Variants in MED23 observed in about 807,000 individuals in gnomAD.
MED23 encodes the protein mediator complex subunit 23.
Under a neutral mutation model 163.9 loss-of-function variants are expected in MED23, and 105 were observed. The ratio of observed to expected loss-of-function variants is 0.64; its 90% CI spans 0.55 to 0.75. The LOEUF (loss-of-function observed/expected upper bound fraction) is 0.75. Among genes scored for constraint, MED23 ranks in the 30% least tolerant of loss-of-function variants. The probability of loss-of-function intolerance (pLI) is 0.00; values close to 1 mark genes in which losing one functional copy is unlikely to be tolerated. For synonymous variants in MED23, 561 were observed against 565.6 expected (o/e 0.99, Z 0.12); for missense variants, 1,054 against 1,649.0 (o/e 0.64, Z 6.25).
intron 21 of MED23, 35 bp downstream of exon 21, chr6:131,596,483 A>C: frequency 1.9e-6 from 3 of 1,610,602 alleles, no homozygotes; most frequent in Admixed American, 1.7e-5. Flanking sequence ...TATGGCTTTA[A>C]AAGGACTATT....
At chr6:131,600,302 T>A (rs912222174) in intron 17 of MED23, 140 bp from the exon 18 acceptor site, 2 of 830,448 alleles carry the variant, frequency 2.4e-6, no homozygotes, top group Admixed American at 4.5e-5. Flanking sequence ...ATATTCAGCT[T>A]AGAACCTAAA....
At chr6:131,595,301 C>G (rs191999428) in intron 22 of MED23, among the ~76,000 whole-genome samples, 20 of 152,326 alleles carry the variant, frequency 1.3e-4, no homozygotes, top group Admixed American at 1.2e-3. Context: ...TTCAATGCAA[C>G]CACTGTTGCT....
intron 30 of MED23, among the ~76,000 whole-genome samples, chr6:131,576,294 T>G (rs1252171814): frequency 6.6e-6 from 1 of 152,212 alleles, no homozygotes; most frequent in Non-Finnish European, 1.5e-5. Flanking sequence ...CATTATTGGA[T>G]CTCATCTACC....
In MED23 at chr6:131,622,724, T is replaced by C. The variant is rs186125871; in HGVS notation, c.396+627A>G. Among the ~76,000 whole-genome samples the C allele has an allele frequency of 2.6e-5, 4 of 152,316 alleles. No individual in the cohort carries two copies. In the East Asian group the frequency reaches 7.7e-4, roughly 29 times the overall value. On this transcript the variant is annotated intron_variant, in intron 5 of 28. Coordinates refer to ENST00000368068, the MANE Select transcript of MED23 (RefSeq NM_004830.4). ...TGTGATAAATCATGATTTAAACTAA[T>C]AATTATCTGTTAGGTCATTACCTGT...
chr6:131,621,709 A>G (rs1436715095), intron 6 of MED23, among the ~76,000 whole-genome samples, 172 bp downstream of exon 6: 2 of 152,230 alleles, frequency 1.3e-5, no homozygotes, highest in Non-Finnish European at 2.9e-5. Context: ...TAAAATTTAA[A>G]ATGTCCTTTT....
chr6:131,577,067 C>T (rs1415884293), intron 30 of MED23, among the ~76,000 whole-genome samples: 1 of 152,028 alleles, frequency 6.6e-6, no homozygotes, highest in Non-Finnish European at 1.5e-5. Context: ...AAGTATGCTA[C>T]TAGCAAGAGG....
In MED23 at chr6:131,598,308, C is replaced by T. The variant is rs776385226; in HGVS notation, c.2586G>A (p.Leu862=). ...DMVWKYNIVT[L]DRLILCLAMR... ...TTACCAGGCAGAGAATTAATCTGTC[C>T]AGTGTAACAATGTTATACTTCCATA... Residue 862 remains leucine, a synonymous_variant, in exon 20 of 29, where the codon CTG becomes CTA. Transcript: ENST00000368068. The surrounding 1 kb of genome is among the most constrained non-coding windows in gnomAD (Gnocchi z 4.7). 1 of 1,613,566 alleles carries T rather than the reference C, an allele frequency of 6.2e-7. No individual in the cohort carries two copies. Among genetic ancestry groups the T allele is most frequent in the Non-Finnish European group, 8.5e-7 (1 of 1,179,594 alleles).
chr6:131,627,202 C>T lies in MED23; in HGVS notation c.159+194G>A, dbSNP rs1473928944. 4 of 598,092 alleles carry T rather than the reference C, an allele frequency of 6.7e-6. No homozygotes were observed. The South Asian group carries it at 8.6e-5, about 13-fold the overall frequency. The allele number at this position is 598,092 out of a possible 1,614,324, so 37.0% of individuals were successfully genotyped here. The stretch of plus-strand genomic sequence containing the variant: ...ACACTGTGCAGTATCAACTTGACTT[C>T]TCAACACAGGTTTTCCACTGAAATA... On this transcript the variant is annotated intron_variant, in intron 3 of 28. Transcript: ENST00000368068.
chr6:131,622,548 A>G (rs1297913230), intron 5 of MED23, among the ~76,000 whole-genome samples: 1 of 152,224 alleles, frequency 6.6e-6, no homozygotes, highest in Admixed American at 6.5e-5. Flanking sequence ...TTCATTCAAC[A>G]TTTATTTATT....
At chr6:131,584,373 C>T (rs958923925), downstream of MED23, 6 of 153,186 alleles carry the variant, frequency 3.9e-5, no homozygotes, top group South Asian at 3.9e-4. Context: ...AACACACACA[C>T]ACACACACAC....
At chr6:131,588,930 C>G (rs1325734390) in intron 28 of MED23, among the ~76,000 whole-genome samples, 1 of 152,112 alleles carries the variant, frequency 6.6e-6, no homozygotes, top group Non-Finnish European at 1.5e-5. Flanking sequence ...AAATGAAAAC[C>G]CTCCAAAATG....
downstream of MED23, among the ~76,000 whole-genome samples, chr6:131,581,877 AT>A (rs1773944683): frequency 6.6e-6 from 1 of 152,228 alleles, no homozygotes; most frequent in Non-Finnish European, 1.5e-5. Flanking sequence ...AGAAGCACCT[AT>A]CTAAATCATA....
chr6:131,625,583 C>T (rs62423375), intron 3 of MED23, among the ~76,000 whole-genome samples: 1 of 152,218 alleles, frequency 6.6e-6, no homozygotes, highest in Admixed American at 6.5e-5. Flanking sequence ...AACCACTGTT[C>T]TCATACATAC....
rs942146263 is a variant in MED23 at position 131,627,581 on chromosome 6, A to G, written c.71+60T>C. The G allele has an allele frequency of 1.9e-6, 3 of 1,602,978 alleles. No homozygotes were observed. The Admixed American group carries it at 5.0e-5, about 27-fold the overall frequency. On this transcript the variant is annotated intron_variant, in intron 2 of 28. Transcript: ENST00000368068. ...CTTATAACCTTCCAACACGAAACTA[A>G]GTAAAATCTGACAGACACAATCACA...
chr6:131,595,133 G>A (rs905162136), intron 22 of MED23, among the ~76,000 whole-genome samples: 4 of 152,170 alleles, frequency 2.6e-5, no homozygotes, highest in Non-Finnish European at 5.9e-5. Context: ...TTCCCAGAGT[G>A]GCTGCTCCAG....
rs974570903 is a variant in MED23, at chr6:131,574,410, G to A, written c.4096-115C>T. ...CTCCAAAAGTCTCTCCCAAACACAG[G>A]GACATTTTGCTGACACAGAAATGTT... On this transcript the variant is annotated intron_variant, in intron 30 of 30. Transcript: ENST00000354577. The A allele has an allele frequency of 7.5e-6, 9 of 1,200,296 alleles. No individual in the cohort carries two copies. In the African/African-American group the frequency reaches 9.0e-5, roughly 12 times the overall value. The allele number at this position is 1,200,296 out of a possible 1,614,324, so 74.4% of individuals were successfully genotyped here. A position where few individuals can be genotyped will look rare whatever the true frequency, so the allele number is the denominator to read the frequency against.
chr6:131,627,560 T>C, intron 2 of MED23, 77 bp from the exon 3 acceptor site: 2 of 1,591,812 alleles, frequency 1.3e-6, no homozygotes, highest in Non-Finnish European at 1.7e-6. Context: ...GTGGATCTTA[T>C]AACCTTCCAA....
In MED23 at chr6:131,586,925, TGA is replaced by T; in HGVS notation, c.*752_*753del. ...TTGAAGAATTACATCATCTGTCAGG[TGA>T]GAGTGTCAACCTGCAAAAGCAATTA... is the stretch of plus-strand genomic sequence containing the variant. On this transcript the variant is annotated 3_prime_UTR_variant, in exon 29 of 29. Transcript: ENST00000368068. 6.8e-7 allele frequency: 1 copy of T among 1,469,334 alleles called. No individual in the cohort carries two copies. The highest frequency in any genetic ancestry group is 9.2e-7 in the Non-Finnish European group (1 of 1,088,130). The allele number at this position is 1,469,334 out of a possible 1,614,324, so 91.0% of individuals were successfully genotyped here. A position where few individuals can be genotyped will look rare whatever the true frequency, so the allele number is the denominator to read the frequency against.
At chr6:131,595,742 C>T (rs1289585517) in intron 22 of MED23, among the ~76,000 whole-genome samples, 1 of 152,152 alleles carries the variant, frequency 6.6e-6, no homozygotes, top group East Asian at 1.9e-4. Context: ...GTAACATCAC[C>T]CTGTTCTGAA....
Sources: allele counts gnomAD v4.1 joint callset (sites outside exome capture counted in the v4.1 genomes callset), GRCh38; gene constraint gnomAD v4.1.1; non-coding constraint Gnocchi (gnomAD v3.1); transcripts MANE v1.5; gene names NCBI Gene and HGNC (gene_info 2026-07-23, HGNC 2026-07-21).